Variants in NLRP14 observed in about 807,000 individuals in gnomAD.
NLRP14 encodes the protein NACHT, LRR and PYD domains-containing protein 14.
NLRP14 carries 105 observed loss-of-function variants against 94.7 expected under a neutral mutation model. The observed-to-expected ratio is 1.11, with a 90% CI of 0.95 to 1.30. The LOEUF is 1.30. NLRP14 is among the 50% of genes most tolerant of loss of function. The pLI is 0.00. For missense variants in NLRP14, 1,362 were observed against 1,254.1 expected, an observed-to-expected ratio of 1.09 and a Z score of -1.30; for synonymous variants, 508 against 459.9, an observed-to-expected ratio of 1.10 and a Z score of -1.34.
intron 2 of NLRP14, 114 bp from the exon 3 acceptor site, chr11:7,039,600 C>T (rs1482592639): frequency 4.6e-6 from 4 of 873,358 alleles, no homozygotes; most frequent in African/African-American, 3.3e-5. Flanking sequence ...TTTTCTTAAA[C>T]CCAGATAGTC....
chr11:7,046,541 G>A (rs1852352853), intron 4 of NLRP14, 127 bp from the exon 5 acceptor site: 1 of 842,764 alleles, frequency 1.2e-6, no homozygotes. Flanking sequence ...TGCCCACGGT[G>A]GAGCTGCACT....
At chr11:7,038,086 G>T (rs1239295928) in intron 1 of NLRP14, among the ~76,000 whole-genome samples, 1 of 152,190 alleles carries the variant, frequency 6.6e-6, no homozygotes, top group African/African-American at 2.4e-5. Flanking sequence ...TGGCAGGGGT[G>T]CAATAACAAT....
rs527624335 is a variant in NLRP14 at position 7,060,269 on chromosome 11, C to T, written c.2804+205C>T. Among the ~76,000 whole-genome samples the T allele has an allele frequency of 5.3e-5, 8 of 152,076 alleles. 1 individual carries two copies. The South Asian group carries it at 1.0e-3, about 20-fold the overall frequency. On this transcript the variant is annotated intron_variant, in intron 9 of 11. Coordinates refer to ENST00000299481, the MANE Select transcript of NLRP14 (RefSeq NM_176822.4). ...ACCATAGTAATTCTAATAAACTTTC[C>T]TCAGGTAATGAGGACCAGAGGCATC...
the NLRP14 span, among the ~76,000 whole-genome samples, chr11:7,079,187 C>T: frequency 2.6e-5 from 4 of 152,170 alleles, no homozygotes; most frequent in African/African-American, 4.8e-5. Flanking sequence ...ATGGTGGATA[C>T]GTTTATCTTC....
chr11:7,076,080 A>G (rs1852871293), downstream of NLRP14, among the ~76,000 whole-genome samples: 1 of 152,208 alleles, frequency 6.6e-6, no homozygotes, highest in Admixed American at 6.5e-5. Flanking sequence ...ACTGCTGTGG[A>G]ACAGTGGTGA....
intron 6 of NLRP14, among the ~76,000 whole-genome samples, chr11:7,053,140 G>A (rs1182155254): frequency 6.6e-6 from 1 of 152,060 alleles, no homozygotes; most frequent in African/African-American, 2.4e-5. Flanking sequence ...AGAACAAATT[G>A]TGTGGTAAGA....
intron 10 of NLRP14, among the ~76,000 whole-genome samples, chr11:7,064,293 C>G (rs1852672897): frequency 6.6e-6 from 1 of 152,116 alleles, no homozygotes; most frequent in South Asian, 2.1e-4. Context: ...CAAAGTAGTT[C>G]AGGACCTGCT....
chr11:7,042,509 G>A lies in NLRP14; in HGVS notation c.483G>A (p.Leu161=). 1 of 1,614,196 alleles carries A rather than the reference G, an allele frequency of 6.2e-7. No individual in the cohort carries two copies. The highest frequency in any genetic ancestry group is 1.6e-4 in the Middle Eastern group (1 of 6,062). Residue 161 remains leucine, a synonymous_variant, in exon 4 of 12, where the codon CTG becomes CTA. Transcript: ENST00000299481. ...HHGIAEKDRK[L]LEHLFDVDVK... ...GAATTGCAGAGAAAGATAGAAAACT[G>A]TTGGAACACTTGTTCGATGTGGATG...
intron 1 of NLRP14, among the ~76,000 whole-genome samples, chr11:7,025,559 G>A (rs1251631624): frequency 6.6e-6 from 1 of 152,114 alleles, no homozygotes; most frequent in Non-Finnish European, 1.5e-5. Context: ...TAGTCATTAT[G>A]CTAAATGTGA....
intron 6 of NLRP14, among the ~76,000 whole-genome samples, chr11:7,056,910 T>A (rs1852524117): frequency 6.6e-6 from 1 of 152,008 alleles, no homozygotes; most frequent in African/African-American, 2.4e-5. Context: ...ATTCTGGGCT[T>A]AGGAGGAAGC....
At chr11:7,074,233 A>C (rs370605768), downstream of NLRP14, among the ~76,000 whole-genome samples, 1 of 152,216 alleles carries the variant, frequency 6.6e-6, no homozygotes, top group Non-Finnish European at 1.5e-5. Flanking sequence ...GTTTTCGTGA[A>C]AATTTGCAAG....
chr11:7,045,412 G>A (rs1852331969), intron 4 of NLRP14, among the ~76,000 whole-genome samples: 1 of 152,090 alleles, frequency 6.6e-6, no homozygotes, highest in African/African-American at 2.4e-5. Context: ...AGAGTTGATT[G>A]TTGCTAAAAT....
the NLRP14 span, among the ~76,000 whole-genome samples, chr11:7,081,932 C>G: frequency 6.6e-6 from 1 of 152,158 alleles, no homozygotes; most frequent in Non-Finnish European, 1.5e-5. Flanking sequence ...ACCCTCCATT[C>G]ACAGAGTTTG....
At chr11:7,084,007 C>T in the NLRP14 span, among the ~76,000 whole-genome samples, 1 of 152,202 alleles carries the variant, frequency 6.6e-6, no homozygotes, top group African/African-American at 2.4e-5. Flanking sequence ...ATTCTTCCAT[C>T]ACTATAAGGA....
At chr11:7,052,908 A>T (rs1852462227) in intron 6 of NLRP14, among the ~76,000 whole-genome samples, 1 of 152,222 alleles carries the variant, frequency 6.6e-6, no homozygotes, top group South Asian at 2.1e-4. Flanking sequence ...CCACCTGGGA[A>T]GACTACCAGC....
intron 5 of NLRP14, 50 bp downstream of exon 5, chr11:7,046,882 T>C (rs2119636028): frequency 7.2e-7 from 1 of 1,379,844 alleles, no homozygotes; most frequent in African/African-American, 1.4e-5. Context: ...TTTCTTTCTG[T>C]GTCCCATCTT....
At chr11:7,071,753 G>A (rs902737), downstream of NLRP14, among the ~76,000 whole-genome samples, 96,424 of 148,982 alleles carry the variant, frequency 0.65, 31,903 homozygotes, top group East Asian at 0.91. Context: ...TTGGGTATCC[G>A]TCTTAAAATG....
rs541388762 is a variant in NLRP14, at chr11:7,044,100, G to C, written c.1958+116G>C. 3.0e-6 allele frequency: 3 copies of C among 1,016,280 alleles called. No homozygotes were observed. The East Asian group carries it at 7.3e-5, about 25-fold the overall frequency. The allele number at this position is 1,016,280 out of a possible 1,614,324, so 63.0% of individuals were successfully genotyped here. A position where few individuals can be genotyped will look rare whatever the true frequency, so the allele number is the denominator to read the frequency against. ...AGAGCTGAGATAACCCTCTGGAGTT[G>C]TCCCATCTTGAGGCAGGGAGGCTAA... On this transcript the variant is annotated intron_variant, in intron 4 of 11. Coordinates refer to ENST00000299481, the MANE Select transcript of NLRP14 (RefSeq NM_176822.4).
chr11:7,036,263 C>T (rs1311546707), intron 1 of NLRP14, among the ~76,000 whole-genome samples: 3 of 152,164 alleles, frequency 2.0e-5, no homozygotes, highest in African/African-American at 7.2e-5. Context: ...AGAAACAGTG[C>T]CAAACATGTG....
Sources: gnomAD v4.1 joint callset for allele counts (sites outside exome capture counted in the v4.1 genomes callset) on GRCh38, gnomAD v4.1.1 for gene constraint, MANE v1.5 for transcripts, NCBI Gene and HGNC (gene_info 2026-07-23, HGNC 2026-07-21) for gene names.